LRP1: variants seen among roughly 807,000 people sequenced by gnomAD.
LRP1 encodes the protein LDL receptor related protein 1.
A neutral mutation model predicts 541.5 loss-of-function variants in LRP1; 51 were observed. The observed-to-expected ratio is 0.09, with a 90% CI of 0.08 to 0.12. LRP1 has a LOEUF of 0.12. LRP1 is among the 10% of genes least tolerant of loss of function. The pLI is 1.00. For synonymous variants in LRP1, 2,219 were observed against 2,470.8 expected, an observed-to-expected ratio of 0.90 and a Z score of 3.02; for missense variants, 3,878 against 6,376.2, an observed-to-expected ratio of 0.61 and a Z score of 13.34.
chr12:57,178,821 G>T lies in LRP1; in HGVS notation c.4607-69G>T. ...GGGGGAGGAGAGTGGGCGAGGAAGGGGTGGTCCATGTAGGGAGCAGCAAGT... is the reference window on the plus strand; with the variant it reads ...GGGGGAGGAGAGTGGGCGAGGAAGGTGTGGTCCATGTAGGGAGCAGCAAGT... On this transcript the variant is annotated intron_variant, in intron 27 of 88. Transcript: ENST00000243077. This position sits in a 1 kb window ranked among gnomAD's most constrained non-coding sequence, Gnocchi z 5.8. 9 of 1,557,126 alleles carry T rather than the reference G, an allele frequency of 5.8e-6. No individual in the cohort carries two copies. The South Asian group carries it at 8.5e-5, about 15-fold the overall frequency.
At chr12:57,160,791 C>T in intron 12 of LRP1, 102 bp from the exon 13 acceptor site, 1 of 793,926 alleles carries the variant, frequency 1.3e-6, no homozygotes. Flanking sequence ...GGACAGGAGA[C>T]CCCTGTGAGG....
intron 24 of LRP1, 143 bp from the exon 25 acceptor site, chr12:57,176,898 T>A: frequency 1.5e-6 from 1 of 648,286 alleles, no homozygotes; most frequent in Non-Finnish European, 2.7e-6. Context: ...ACAATAGGAG[T>A]CCTACTCTTG....
At position 57,177,333 on chromosome 12, in the gene LRP1, C is replaced by T. The variant is rs2036066618; in HGVS notation, c.4196+88C>T. 3.8e-6 allele frequency: 6 copies of T among 1,561,320 alleles called. No homozygotes were observed. In the South Asian group the frequency reaches 5.9e-5, roughly 15 times the overall value. ...CCAGGGACACCTTACTCCTCAGTGC[C>T]ATCTGCCTCCTCCCACCCTCTACCT... On this transcript the variant is annotated intron_variant, in intron 25 of 88. Coordinates refer to ENST00000243077, the MANE Select transcript of LRP1 (RefSeq NM_002332.3). This position sits in a 1 kb window ranked among gnomAD's most constrained non-coding sequence, Gnocchi z 6.8.
At chr12:57,209,312 G>A in intron 79 of LRP1, 113 bp downstream of exon 79, 1 of 878,132 alleles carries the variant, frequency 1.1e-6, no homozygotes, top group South Asian at 1.6e-5. Context: ...CTGACCCCCA[G>A]CAATGCTGCA....
rs529625534 is a variant in LRP1 at position 57,158,247 on chromosome 12, G to A, written c.1562-155G>A. Among the ~76,000 whole-genome samples the A allele has an allele frequency of 6.6e-6, 1 of 152,320 alleles. No homozygotes were observed. Among genetic ancestry groups the A allele is most frequent in the South Asian group, 2.1e-4 (1 of 4,826 alleles). On this transcript the variant is annotated intron_variant, in intron 10 of 88. Transcript: ENST00000243077. The surrounding 1 kb of genome is among the most constrained non-coding windows in gnomAD (Gnocchi z 5.3). ...AGGACCCATCGTCCTGTATGTTAGC[G>A]TGTGCGTGGTCTGTCCATCTGACCC...
rs35484999 is a variant in LRP1 at position 57,190,865 on chromosome 12, G to T, written c.7092G>T (p.Ser2364=). 361 of 1,613,946 alleles carry T rather than the reference G, an allele frequency of 2.2e-4. No homozygotes were observed. The African/African-American group carries it at 4.2e-3, about 19-fold the overall frequency. ...QHPSIMRAAL[S]GANVLTLIEK... is the part of the protein sequence containing the mutation. Reference sequence around the variant, plus strand: ...CCAGCATCATGCGGGCGGCGCTCTCGGGAGCCAATGTCCTGACCCTTATCG... The same window carrying T: ...CCAGCATCATGCGGGCGGCGCTCTCTGGAGCCAATGTCCTGACCCTTATCG... Residue 2364 remains serine (S), a synonymous_variant, in exon 43 of 89, where the codon TCG becomes TCT. Transcript: ENST00000243077.
rs374933716 is a variant in LRP1 at position 57,200,833 on chromosome 12, C to A, written c.10225+18C>A. On this transcript the variant is annotated intron_variant, in intron 64 of 88. Coordinates refer to ENST00000243077, the MANE Select transcript of LRP1 (RefSeq NM_002332.3). ...CAACTGTGGTAAGGCGCTGCCCGCC[C>A]ACCCTCCCTCCTTCCCCAGCATCTT... The A allele has an allele frequency of 1.4e-6, 2 of 1,477,606 alleles. No individual in the cohort carries two copies. Among genetic ancestry groups the A allele is most frequent in the Non-Finnish European group, 1.9e-6 (2 of 1,074,896 alleles). The allele number at this position is 1,477,606 out of a possible 1,614,324, so 91.5% of individuals were successfully genotyped here.
At position 57,179,687 on chromosome 12, in the gene LRP1, T is replaced by G. The variant is rs548091929; in HGVS notation, c.4967-95T>G. On this transcript the variant is annotated intron_variant, in intron 29 of 88. Coordinates refer to ENST00000243077, the MANE Select transcript of LRP1 (RefSeq NM_002332.3). The surrounding 1 kb of genome is among the most constrained non-coding windows in gnomAD (Gnocchi z 6.8). ...TTCCCCCTCAGTGCTCCAGCCTGGTTTCCTGATCCCTTTTCTCCAGAAGGC... is the reference window on the plus strand; with the variant it reads ...TTCCCCCTCAGTGCTCCAGCCTGGTGTCCTGATCCCTTTTCTCCAGAAGGC... 7.0e-7 allele frequency: 1 copy of G among 1,429,702 alleles called. No homozygotes were observed. Among genetic ancestry groups the G allele is most frequent in the East Asian group, 2.3e-5 (1 of 43,900 alleles). The allele number at this position is 1,429,702 out of a possible 1,614,324, so 88.6% of individuals were successfully genotyped here.
chr12:57,174,425 G>C (rs1310135234), intron 22 of LRP1, among the ~76,000 whole-genome samples: 1 of 152,180 alleles, frequency 6.6e-6, no homozygotes, highest in African/African-American at 2.4e-5. Flanking sequence ...AGGCTTCCTG[G>C]AGGATGTGGG....
chr12:57,186,567 G>C (rs1297970363), intron 41 of LRP1, among the ~76,000 whole-genome samples: 4 of 152,314 alleles, frequency 2.6e-5, no homozygotes, highest in Non-Finnish European at 5.9e-5. Flanking sequence ...TGTCCTTTCA[G>C]CCTTTTCTGG....
intron 19 of LRP1, 68 bp from the exon 20 acceptor site, chr12:57,169,072 C>A: frequency 1.4e-6 from 2 of 1,460,684 alleles, no homozygotes; most frequent in East Asian, 2.3e-5. Flanking sequence ...GGGGCCCAAG[C>A]TGGGATCACA....
chr12:57,149,106 A>G, intron 6 of LRP1: 1 of 508,864 alleles, frequency 2.0e-6, no homozygotes, highest in Non-Finnish European at 3.5e-6. Context: ...AAGGGGTGCT[A>G]CCTCCCCACT....
rs1160033185 is a variant in LRP1 at position 57,211,783 on chromosome 12, G to A, written c.13227G>A (p.Glu4409=). ...CPPHMTGPRC[E]EHVFSQQQPG... is the part of the protein sequence containing the mutation. ...CCCACATGACAGGGCCCCGGTGTGAGGAGCACGTCTTCAGCCAGCAGCAGC... is the reference window on the plus strand; with the variant it reads ...CCCACATGACAGGGCCCCGGTGTGAAGAGCACGTCTTCAGCCAGCAGCAGC... The change falls in exon 86 of 89, where the codon GAG becomes GAA. Residue 4409 remains glutamate, a synonymous_variant. Coordinates refer to ENST00000243077, the MANE Select transcript of LRP1 (RefSeq NM_002332.3). The surrounding 1 kb of genome is among the most constrained non-coding windows in gnomAD (Gnocchi z 4.3). The A allele has an allele frequency of 1.2e-6, 2 of 1,612,942 alleles. No homozygotes were observed. The highest frequency in any genetic ancestry group is 8.5e-7 in the Non-Finnish European group (1 of 1,179,992).
At chr12:57,195,507 T>TG (rs1350723247) in intron 52 of LRP1, 108 bp downstream of exon 52, 13 of 1,570,732 alleles carry the variant, frequency 8.3e-6, no homozygotes, top group Non-Finnish European at 1.1e-5. Context: ...CGGGGTCCAC[T>TG]GGGGGCGGAG....
intron 77 of LRP1, chr12:57,208,493 A>C: frequency 1.7e-6 from 1 of 590,356 alleles, no homozygotes; most frequent in Middle Eastern, 4.5e-4. Context: ...CAGCTCTGCC[A>C]GCGTCGGTGG....
Position 57,195,704 on chromosome 12 carries a change from C to T in LRP1, c.8484C>T (p.Arg2828=), listed in dbSNP as rs2036516949. 2 of 1,614,052 alleles carry T rather than the reference C, an allele frequency of 1.2e-6. No individual in the cohort carries two copies. The highest frequency in any genetic ancestry group is 1.7e-6 in the Non-Finnish European group (2 of 1,180,026). The stretch of plus-strand genomic sequence containing the variant: ...ACCGTGAGTTCATGTGCCAGAACCG[C>T]CAGTGCATCCCCAAGCACTTCGTGT... ...CDDREFMCQN[R]QCIPKHFVCD... is the part of the protein sequence containing the mutation. Residue 2828 remains arginine (R), a synonymous_variant, in exon 53 of 89, where the codon CGC becomes CGT. Coordinates refer to ENST00000243077, the MANE Select transcript of LRP1 (RefSeq NM_002332.3).
At chr12:57,129,064 T>TG in intron 1 of LRP1, 33 bp downstream of exon 1, 1 of 1,546,684 alleles carries the variant, frequency 6.5e-7, no homozygotes, top group South Asian at 1.2e-5. Flanking sequence ...CTTGGACCCC[T>TG]GGGGGCACCC....
Position 57,154,585 on chromosome 12 carries a change from G to A in LRP1, c.1111G>A (p.Gly371Ser). Residue 371 changes from glycine to serine, a missense_variant, in exon 8 of 89, where the codon GGC becomes AGC. Gly to Ser is a moderately conservative substitution (Grantham distance 56, BLOSUM62 0). Coordinates refer to ENST00000243077, the MANE Select transcript of LRP1 (RefSeq NM_002332.3). The surrounding 1 kb of genome is among the most constrained non-coding windows in gnomAD (Gnocchi z 4.6). Reference sequence around the variant, plus strand: ...CGACAGCAAGATTGTGTTTCCTCATGGCATCACGCTGGACCTGGTCAGCCG... The same window carrying A: ...CGACAGCAAGATTGTGTTTCCTCATAGCATCACGCTGGACCTGGTCAGCCG... ...LVDSKIVFPH[G>S]ITLDLVSRLV... The A allele has an allele frequency of 9.9e-6, 16 of 1,613,720 alleles. No homozygotes were observed. The highest frequency in any genetic ancestry group is 1.4e-5 in the Non-Finnish European group (16 of 1,179,806).
intron 34 of LRP1, among the ~76,000 whole-genome samples, chr12:57,182,591 C>A (rs975251680): frequency 6.7e-6 from 1 of 150,226 alleles, no homozygotes; most frequent in African/African-American, 2.5e-5. Flanking sequence ...CTAAAGAGGG[C>A]GGATTACCTT....
Sources: gnomAD v4.1 joint callset for allele counts (sites outside exome capture counted in the v4.1 genomes callset) on GRCh38, gnomAD v4.1.1 for gene constraint, Gnocchi (gnomAD v3.1) non-coding constraint, MANE v1.5 for transcripts, NCBI Gene and HGNC (gene_info 2026-07-23, HGNC 2026-07-21) for gene names.